The following NLGN1 variants were observed in gnomAD, a reference collection of about 807,000 sequenced individuals.
NLGN1 encodes the protein neuroligin 1.
In NLGN1, 12 loss-of-function variants were observed where a neutral mutation model predicts 65.5. The observed-to-expected ratio is 0.18, with a 90% confidence interval of 0.12 to 0.30. The LOEUF (loss-of-function observed/expected upper bound fraction) is 0.30, where lower values mean the gene tolerates loss of function less well. NLGN1 is among the 10% of genes least tolerant of loss of function. The pLI is 1.00. For synonymous variants in NLGN1, 350 were observed against 359.5 expected (o/e 0.97, Z 0.30); for missense variants, 750 against 1,007.1 (o/e 0.74, Z 3.46).
chr3:173,780,957 C>T (rs1415644576), intron 3 of NLGN1, among the ~76,000 whole-genome samples: 3 of 151,804 alleles, frequency 2.0e-5, no homozygotes, highest in Non-Finnish European at 4.4e-5. Context: ...ATGCCTAACA[C>T]GGTGAAACCC....
At chr3:173,970,414 T>G (rs760570852) in intron 4 of NLGN1, among the ~76,000 whole-genome samples, 6 of 152,060 alleles carry the variant, frequency 3.9e-5, no homozygotes, top group Non-Finnish European at 5.9e-5. Context: ...GGAATGGCAA[T>G]TTAAGGAGTA....
At position 174,188,379 on chromosome 3, in the gene NLGN1, CA is replaced by C. The variant is rs544217029; in HGVS notation, c.647-86932del. Among the ~76,000 whole-genome samples the C allele has an allele frequency of 1.2e-4, 19 of 152,034 alleles. No individual in the cohort carries two copies. In the East Asian group the frequency reaches 3.7e-3, roughly 29 times the overall value. On this transcript the variant is annotated intron_variant, in intron 4 of 6. Coordinates refer to ENST00000457714, the Ensembl canonical transcript of NLGN1. ...ATAGTAAAAATCATAACATTGATGA[CA>C]AAACCAGGAGCTTCCATTCACTGCG...
intron 2 of NLGN1, among the ~76,000 whole-genome samples, chr3:173,565,703 G>A (rs564765806): frequency 1.3e-5 from 2 of 152,092 alleles, no homozygotes; most frequent in South Asian, 2.1e-4. Flanking sequence ...CTAGTTATAT[G>A]TATTACCACA....
At chr3:173,581,004 C>T (rs1416968847) in intron 2 of NLGN1, among the ~76,000 whole-genome samples, 3 of 151,958 alleles carry the variant, frequency 2.0e-5, no homozygotes, top group Non-Finnish European at 4.4e-5. Context: ...CTCCAAATTT[C>T]AGAAATATAA....
intron 4 of NLGN1, among the ~76,000 whole-genome samples, chr3:174,155,456 CAG>C (rs1330377817): frequency 2.6e-5 from 4 of 151,850 alleles, no homozygotes; most frequent in African/African-American, 9.7e-5. Flanking sequence ...GACCATTTGT[CAG>C]GGGAGACTGA....
intron 2 of NLGN1, among the ~76,000 whole-genome samples, chr3:173,496,896 TC>T (rs779110633): frequency 7.9e-5 from 12 of 151,894 alleles, no homozygotes; most frequent in Non-Finnish European, 1.5e-4. Context: ...CTTATAGTCT[TC>T]CAGAAGACTT....
intron 4 of NLGN1, among the ~76,000 whole-genome samples, chr3:173,968,115 TA>T (rs1715284738): frequency 6.6e-6 from 1 of 152,158 alleles, no homozygotes; most frequent in African/African-American, 2.4e-5. Flanking sequence ...TAATAAAGTG[TA>T]AAATTTCATT....
At chr3:173,476,087 AATT>A (rs1560307004) in intron 2 of NLGN1, among the ~76,000 whole-genome samples, 1 of 152,148 alleles carries the variant, frequency 6.6e-6, no homozygotes, top group Non-Finnish European at 1.5e-5. Flanking sequence ...CAAGCTGGAG[AATT>A]ACCTAAGGAG....
intron 4 of NLGN1, among the ~76,000 whole-genome samples, chr3:174,146,663 G>C (rs1035345640): frequency 2.0e-5 from 3 of 151,410 alleles, no homozygotes; most frequent in Non-Finnish European, 2.9e-5. Flanking sequence ...CGCCTCCCGG[G>C]TCAAAGCGAT....
chr3:173,482,653 G>C (rs1410440761), intron 2 of NLGN1, among the ~76,000 whole-genome samples: 1 of 151,918 alleles, frequency 6.6e-6, no homozygotes, highest in South Asian at 2.1e-4. Context: ...GGTGAGGGAA[G>C]ATCATTCTGA....
At chr3:173,898,257 A>G (rs745579526) in intron 4 of NLGN1, among the ~76,000 whole-genome samples, 3 of 152,180 alleles carry the variant, frequency 2.0e-5, no homozygotes, top group East Asian at 1.9e-4. Context: ...GAAATATACA[A>G]TTTTACAGAA....
At chr3:173,871,821 T>C (rs1253586733) in intron 4 of NLGN1, among the ~76,000 whole-genome samples, 1 of 152,168 alleles carries the variant, frequency 6.6e-6, no homozygotes, top group African/African-American at 2.4e-5. Context: ...TAAGGTGTGA[T>C]ATGTCCAGTC....
intron 4 of NLGN1, among the ~76,000 whole-genome samples, chr3:174,091,414 A>G (rs1744495731): frequency 6.6e-6 from 1 of 152,196 alleles, no homozygotes; most frequent in Admixed American, 6.5e-5. Flanking sequence ...AAAAACTCAA[A>G]TTAATAATAG....
At chr3:173,868,502 A>T (rs1730605917) in intron 4 of NLGN1, among the ~76,000 whole-genome samples, 1 of 152,186 alleles carries the variant, frequency 6.6e-6, no homozygotes, top group Admixed American at 6.5e-5. Flanking sequence ...ACTACTATTC[A>T]TTCATTGGTG....
chr3:173,924,736 A>T (rs1346907251), intron 4 of NLGN1, among the ~76,000 whole-genome samples: 2 of 152,174 alleles, frequency 1.3e-5, no homozygotes, highest in African/African-American at 2.4e-5. Flanking sequence ...ATATTTTTAA[A>T]TGTTAAACTT....
At chr3:173,588,374 A>G (rs1312007185) in intron 2 of NLGN1, among the ~76,000 whole-genome samples, 1 of 152,192 alleles carries the variant, frequency 6.6e-6, no homozygotes, top group Non-Finnish European at 1.5e-5. Flanking sequence ...ATAATGTCAA[A>G]TATTACTATG....
chr3:173,607,817 GA>G (rs1362887403), intron 3 of NLGN1, among the ~76,000 whole-genome samples: 5 of 151,474 alleles, frequency 3.3e-5, no homozygotes, highest in African/African-American at 1.2e-4. Flanking sequence ...CTTTATGAAT[GA>G]TGGTTCAGGA....
intron 2 of NLGN1, among the ~76,000 whole-genome samples, chr3:173,443,681 C>T (rs1163152177): frequency 2.0e-5 from 3 of 152,078 alleles, no homozygotes; most frequent in Non-Finnish European, 1.5e-5. Flanking sequence ...GGAAGAAAAA[C>T]GTGTAAACAT....
intron 4 of NLGN1, among the ~76,000 whole-genome samples, chr3:174,184,888 G>A (rs1362962): frequency 0.72 from 109,867 of 151,994 alleles, 39,870 homozygotes; most frequent in Admixed American, 0.76. Flanking sequence ...GTCCAAAGTA[G>A]CAGGCATGGA....
Sources: gnomAD v4.1 joint callset for allele counts (sites outside exome capture counted in the v4.1 genomes callset) on GRCh38, gnomAD v4.1.1 for gene constraint, MANE v1.5 for transcripts, NCBI Gene and HGNC (gene_info 2026-07-23, HGNC 2026-07-21) for gene names.